Variants in ATIC observed in about 807,000 individuals in gnomAD.
ATIC encodes 5-aminoimidazole-4-carboxamide ribonucleotide formyltransferase/IMP cyclohydrolase.
In ATIC, 64 loss-of-function variants were observed where a neutral mutation model predicts 72.5. The ratio of observed to expected loss-of-function variants is 0.88; its 90% CI spans 0.72 to 1.09. ATIC has a LOEUF of 1.09. ATIC is among the 50% of genes least tolerant of loss of function. The probability of loss-of-function intolerance (pLI) is 0.00; values close to 1 mark genes in which losing one functional copy is unlikely to be tolerated. For synonymous variants in ATIC, 281 were observed against 267.1 expected (o/e 1.05, Z -0.51); for missense variants, 787 against 732.4 (o/e 1.07, Z -0.86).
chr2:215,318,501 A>C (rs2052734016), intron 3 of ATIC, among the ~76,000 whole-genome samples: 1 of 152,224 alleles, frequency 6.6e-6, no homozygotes, highest in Non-Finnish European at 1.5e-5. Context: ...TTCCTGCTCA[A>C]GTTGCTGAAG....
chr2:215,326,342 C>T (rs948993505), intron 6 of ATIC, among the ~76,000 whole-genome samples: 4 of 152,110 alleles, frequency 2.6e-5, no homozygotes, highest in Non-Finnish European at 4.4e-5. Context: ...CGGTGGCTCA[C>T]GCCTGTAATC....
At chr2:215,331,345 A>G (rs1046276988) in intron 7 of ATIC, among the ~76,000 whole-genome samples, 1 of 149,098 alleles carries the variant, frequency 6.7e-6, no homozygotes, top group African/African-American at 2.5e-5. Flanking sequence ...ATCTTAACCC[A>G]TGAAGGACAT....
At chr2:215,322,195 G>T (rs2052775471) in intron 4 of ATIC, among the ~76,000 whole-genome samples, 1 of 151,074 alleles carries the variant, frequency 6.6e-6, no homozygotes, top group African/African-American at 2.4e-5. Flanking sequence ...GAGCCACCAT[G>T]CCCGGCCCAC....
At position 215,346,903 on chromosome 2, in the gene ATIC, A is replaced by T; in HGVS notation, c.1465A>T (p.Asn489Tyr). 6.2e-7 allele frequency: 1 copy of T among 1,614,226 alleles called. No individual in the cohort carries two copies. The highest frequency in any genetic ancestry group is 8.5e-7 in the Non-Finnish European group (1 of 1,180,040). ...AGGAGTGAAGAGAGCAGAAATCTCCAATGCCATCGATCAATATGTGACTGG... is the reference window on the plus strand; with the variant it reads ...AGGAGTGAAGAGAGCAGAAATCTCCTATGCCATCGATCAATATGTGACTGG... ...KTGVKRAEIS[N>Y]AIDQYVTGTI... The change falls in exon 14 of 16, where the codon AAT (asparagine) becomes TAT (tyrosine). Residue 489 changes from asparagine to tyrosine, a missense_variant. By Grantham distance (143) the Asn-to-Tyr change is moderately radical. Coordinates refer to ENST00000236959, the MANE Select transcript of ATIC (RefSeq NM_004044.7).
chr2:215,361,544 G>A, the ATIC span: 4 of 1,583,368 alleles, frequency 2.5e-6, no homozygotes, highest in Non-Finnish European at 3.5e-6. Context: ...CCTCTGGATT[G>A]GAAAGATGAT....
At chr2:215,318,316 GA>G in intron 3 of ATIC, 83 bp downstream of exon 3, 1 of 1,298,088 alleles carries the variant, frequency 7.7e-7, no homozygotes, top group Non-Finnish European at 1.1e-6. Flanking sequence ...AATAAAGGAA[GA>G]AAAAGGCTCA....
chr2:215,328,553 G>A (rs576981275), intron 7 of ATIC, among the ~76,000 whole-genome samples: 6 of 152,064 alleles, frequency 3.9e-5, no homozygotes, highest in East Asian at 1.9e-4. Context: ...GCCCTTCACC[G>A]TCCTGGTTTC....
At chr2:215,356,538 A>G in the ATIC span, among the ~76,000 whole-genome samples, 1 of 152,232 alleles carries the variant, frequency 6.6e-6, no homozygotes, top group Admixed American at 6.5e-5. Flanking sequence ...ACAATTGTGC[A>G]ACAATCACCA....
At chr2:215,312,763 A>C in intron 2 of ATIC, 139 bp downstream of exon 2, 2 of 1,343,020 alleles carry the variant, frequency 1.5e-6, no homozygotes, top group Non-Finnish European at 2.1e-6. Context: ...TCCCCACTTT[A>C]TGGGGAAAAA....
the ATIC span, chr2:215,361,874 A>C: frequency 1.4e-6 from 2 of 1,477,052 alleles, no homozygotes; most frequent in African/African-American, 2.9e-5. Flanking sequence ...TTTTTTTTTA[A>C]TTAATTAAAA....
rs569150910 is a variant in ATIC at position 215,336,183 on chromosome 2, C to T, written c.1098+59C>T. 13 of 1,297,424 alleles carry T rather than the reference C, an allele frequency of 1.0e-5. No individual in the cohort carries two copies. In the East Asian group the frequency reaches 1.8e-4, roughly 18 times the overall value. The allele number at this position is 1,297,424 out of a possible 1,614,324, so 80.4% of individuals were successfully genotyped here. ...CTCTTTTATTCTGTGTCTCTTTCTCCCTTGTTTACTCTTTCCTTTATACTC... is the reference window on the plus strand; with the variant it reads ...CTCTTTTATTCTGTGTCTCTTTCTCTCTTGTTTACTCTTTCCTTTATACTC... On this transcript the variant is annotated intron_variant, in intron 11 of 15. Coordinates refer to ENST00000236959, the MANE Select transcript of ATIC (RefSeq NM_004044.7).
At chr2:215,324,884 T>C (rs1039732503) in intron 4 of ATIC, among the ~76,000 whole-genome samples, 1 of 152,216 alleles carries the variant, frequency 6.6e-6, no homozygotes, top group Non-Finnish European at 1.5e-5. Flanking sequence ...GAGAATGTTA[T>C]CTGTAATCTT....
intron 12 of ATIC, among the ~76,000 whole-genome samples, chr2:215,340,162 T>C (rs559545466): frequency 6.6e-6 from 1 of 152,330 alleles, no homozygotes; most frequent in African/African-American, 2.4e-5. Flanking sequence ...TTGTGCTCTT[T>C]GTTACCTTGT....
At chr2:215,351,958 A>G (rs1302861863), downstream of ATIC, among the ~76,000 whole-genome samples, 2 of 152,196 alleles carry the variant, frequency 1.3e-5, no homozygotes, top group African/African-American at 4.8e-5. Context: ...TCTCAGCTTA[A>G]TCATGAGAAA....
In ATIC at chr2:215,312,096, G is replaced by T. The variant is rs1189377023; in HGVS notation, c.-47G>T. ...CAGCCCTCCTACCTGCGCACGTGGT[G>T]CCGCCGCTGCTGCCTCCCGCTCGCC... On this transcript the variant is annotated 5_prime_UTR_variant, in exon 1 of 16. Transcript: ENST00000236959. 3.4e-6 allele frequency: 5 copies of T among 1,489,044 alleles called. No individual in the cohort carries two copies. In the African/African-American group the frequency reaches 6.9e-5, roughly 21 times the overall value. 92.2% of individuals were successfully genotyped at this position (1,489,044 alleles called of 1,614,324 possible). A position where few individuals can be genotyped will look rare whatever the true frequency, so the allele number is the denominator to read the frequency against.
chr2:215,336,623 A>G (rs763430834), intron 11 of ATIC, among the ~76,000 whole-genome samples: 1 of 152,144 alleles, frequency 6.6e-6, no homozygotes, highest in African/African-American at 2.4e-5. Flanking sequence ...TTGCATGTGC[A>G]TTTCTTTTTC....
At chr2:215,366,814 AACAT>A in the ATIC span, among the ~76,000 whole-genome samples, 14 of 149,812 alleles carry the variant, frequency 9.3e-5, no homozygotes, top group Non-Finnish European at 1.9e-4. Flanking sequence ...ACAGGTAATA[AACAT>A]ACAAACTTAA....
At position 215,312,084 on chromosome 2, in the gene ATIC, T is replaced by C. The variant is rs4535042; in HGVS notation, c.-59T>C. The C allele has an allele frequency of 6.5e-7, 1 of 1,529,196 alleles. No individual in the cohort carries two copies. The highest frequency in any genetic ancestry group is 8.7e-7 in the Non-Finnish European group (1 of 1,144,188). The allele number at this position is 1,529,196 out of a possible 1,614,324, so 94.7% of individuals were successfully genotyped here. On this transcript the variant is annotated 5_prime_UTR_variant, in exon 1 of 16. Transcript: ENST00000236959. ...GCCACATCCCGGCAGCCCTCCTACC[T>C]GCGCACGTGGTGCCGCCGCTGCTGC...
At chr2:215,349,440 T>C (rs1260774821) in intron 15 of ATIC, 96 bp from the exon 16 acceptor site, 16 of 1,601,134 alleles carry the variant, frequency 1.0e-5, no homozygotes, top group Non-Finnish European at 1.3e-5. Flanking sequence ...TTTGACTGAG[T>C]GTATCTTTGT....
Sources: gnomAD v4.1 joint callset for allele counts (sites outside exome capture counted in the v4.1 genomes callset) on GRCh38, gnomAD v4.1.1 for gene constraint, MANE v1.5 for transcripts, NCBI Gene and HGNC (gene_info 2026-07-23, HGNC 2026-07-21) for gene names.